Variants in RFX3 observed in about 807,000 individuals in gnomAD.
The protein encoded by RFX3 is regulatory factor X3.
In RFX3, 14 loss-of-function variants were observed where a neutral mutation model predicts 98.6. That is an observed-to-expected ratio of 0.14 (90% confidence interval 0.09 to 0.22). RFX3 has a LOEUF of 0.22. RFX3 is among the 10% of genes least tolerant of loss of function. The pLI, the probability that RFX3 is intolerant of heterozygous loss-of-function variation, is 1.00. For missense variants in RFX3, 639 were observed against 926.9 expected (o/e 0.69, Z 4.03); for synonymous variants, 383 against 328.4 (o/e 1.17, Z -1.80).
At chr9:3,494,159 A>G (rs1002267204) in intron 1 of RFX3, among the ~76,000 whole-genome samples, 6 of 152,186 alleles carry the variant, frequency 3.9e-5, no homozygotes, top group African/African-American at 1.4e-4. Context: ...TATAGAAAAA[A>G]AGACTGGTAA....
chr9:3,236,147 G>T (rs993059466), intron 15 of RFX3, among the ~76,000 whole-genome samples: 1 of 152,058 alleles, frequency 6.6e-6, no homozygotes, highest in Admixed American at 6.6e-5. Context: ...AATCTTTTAT[G>T]ATATATTTGC....
chr9:3,282,643 C>T (rs1826058309), intron 7 of RFX3, among the ~76,000 whole-genome samples: 1 of 151,716 alleles, frequency 6.6e-6, no homozygotes, highest in Non-Finnish European at 1.5e-5. Flanking sequence ...TCATTGAGTC[C>T]TCTAAGCATA....
chr9:3,269,368 C>T (rs751352829), intron 11 of RFX3, among the ~76,000 whole-genome samples: 21 of 151,988 alleles, frequency 1.4e-4, no homozygotes, highest in Non-Finnish European at 2.4e-4. Flanking sequence ...TACTAAATTC[C>T]TATTTTCATA....
At chr9:3,485,530 G>A (rs532897335) in intron 1 of RFX3, among the ~76,000 whole-genome samples, 2 of 152,206 alleles carry the variant, frequency 1.3e-5, no homozygotes, top group South Asian at 4.2e-4. Flanking sequence ...TTCTAACATT[G>A]TTGACTAATT....
chr9:3,324,020 A>G (rs1390947194), intron 4 of RFX3: 2 of 451,078 alleles, frequency 4.4e-6, no homozygotes, highest in South Asian at 3.3e-5. Flanking sequence ...CCTTCAGTCA[A>G]TTTATGATTT....
chr9:3,370,084 G>A (rs991440382), intron 2 of RFX3, among the ~76,000 whole-genome samples: 45 of 145,568 alleles, frequency 3.1e-4, no homozygotes, highest in Non-Finnish European at 5.1e-4. Context: ...CTCGTGATCC[G>A]CCCGCCTCGG....
intron 1 of RFX3, among the ~76,000 whole-genome samples, chr9:3,457,085 G>T (rs1244958090): frequency 8.1e-6 from 1 of 124,204 alleles, no homozygotes; most frequent in African/African-American, 3.0e-5. Flanking sequence ...CAGTTGCTGT[G>T]AACCGAGATC....
intron 2 of RFX3, among the ~76,000 whole-genome samples, chr9:3,381,489 A>G (rs1258277347): frequency 1.3e-5 from 2 of 152,174 alleles, no homozygotes; most frequent in East Asian, 1.9e-4. Flanking sequence ...ATTTGTTTAC[A>G]AACAAAAAGA....
chr9:3,290,828 G>C (rs1404522045), intron 6 of RFX3, among the ~76,000 whole-genome samples: 1 of 152,040 alleles, frequency 6.6e-6, no homozygotes, highest in East Asian at 1.9e-4. Flanking sequence ...CACAGTGAAG[G>C]GGTTTAGGAC....
At chr9:3,366,713 T>TCTTTCTTTCTTTCTTTC (rs1837209573) in intron 2 of RFX3, among the ~76,000 whole-genome samples, 1 of 138,978 alleles carries the variant, frequency 7.2e-6, no homozygotes, top group African/African-American at 2.7e-5. Flanking sequence ...TTTCTTTCTT[T>TCTTTCTTTCTTTCTTTC]CTTTCTTTCT....
intron 1 of RFX3, among the ~76,000 whole-genome samples, chr9:3,462,546 G>C (rs1440545929): frequency 6.6e-6 from 1 of 151,846 alleles, no homozygotes; most frequent in Admixed American, 6.6e-5. Flanking sequence ...AATGCAATAA[G>C]GTAAGAAAGA....
intron 1 of RFX3, among the ~76,000 whole-genome samples, chr9:3,426,613 C>G (rs956228455): frequency 5.9e-5 from 9 of 152,132 alleles, no homozygotes; most frequent in Non-Finnish European, 1.2e-4. Flanking sequence ...TGAGCTCTGC[C>G]TCCTGTCAGA....
chr9:3,409,230 G>A (rs553284816), intron 1 of RFX3, among the ~76,000 whole-genome samples: 1 of 152,170 alleles, frequency 6.6e-6, no homozygotes, highest in East Asian at 1.9e-4. Flanking sequence ...TATAAATGAT[G>A]GTATAGAAGA....
Position 3,270,403 on chromosome 9 carries a change from A to G in RFX3, c.1325T>C (p.Ile442Thr). The G allele has an allele frequency of 6.2e-7, 1 of 1,613,782 alleles. No homozygotes were observed. Among genetic ancestry groups the G allele is most frequent in the Non-Finnish European group, 8.5e-7 (1 of 1,179,792 alleles). ...DHGMYQALVE[I>T]LIPDVLRPIP... ...AGGTCTAAGGACGTCGGGGATGAGAATCTCCACCAAAGCCTGGTACATCCC... is the reference window on the plus strand; with the variant it reads ...AGGTCTAAGGACGTCGGGGATGAGAGTCTCCACCAAAGCCTGGTACATCCC... The change falls in exon 11 of 17, where the codon ATT (isoleucine) becomes ACT (threonine). Residue 442 changes from isoleucine to threonine, a missense_variant. Physicochemically the swap from Ile to Thr is moderately conservative, Grantham distance 89. Transcript: ENST00000617270.
At chr9:3,497,237 T>G (rs1228720151) in intron 1 of RFX3, among the ~76,000 whole-genome samples, 1 of 152,018 alleles carries the variant, frequency 6.6e-6, no homozygotes, top group Non-Finnish European at 1.5e-5. Flanking sequence ...TACTATTCTA[T>G]AAAGTGCTAC....
intron 1 of RFX3, among the ~76,000 whole-genome samples, chr9:3,419,143 A>G (rs1486194930): frequency 1.3e-5 from 2 of 152,172 alleles, no homozygotes; most frequent in Non-Finnish European, 2.9e-5. Context: ...CATTTGGTTT[A>G]AAAAAACAAC....
intron 2 of RFX3, among the ~76,000 whole-genome samples, chr9:3,393,375 T>C (rs950830657): frequency 1.3e-5 from 2 of 152,136 alleles, no homozygotes; most frequent in Non-Finnish European, 2.9e-5. Context: ...AATATGTAAA[T>C]TCAATAAAAA....
intron 2 of RFX3, among the ~76,000 whole-genome samples, chr9:3,352,118 A>C (rs1323843632): frequency 6.6e-6 from 1 of 152,060 alleles, no homozygotes; most frequent in Non-Finnish European, 1.5e-5. Flanking sequence ...TATTTTAGGC[A>C]AGATTGCCAA....
chr9:3,437,938 C>G (rs528833426), intron 1 of RFX3, among the ~76,000 whole-genome samples: 8 of 151,880 alleles, frequency 5.3e-5, no homozygotes, highest in Non-Finnish European at 7.4e-5. Flanking sequence ...GGTAGAGAGA[C>G]AGAGATGAAA....
Sources: allele counts gnomAD v4.1 joint callset (sites outside exome capture counted in the v4.1 genomes callset), GRCh38; gene constraint gnomAD v4.1.1; transcripts MANE v1.5; gene names NCBI Gene and HGNC (gene_info 2026-07-23, HGNC 2026-07-21).